DLG2: variants seen among roughly 807,000 people sequenced by gnomAD.
DLG2 encodes the protein disks large homolog 2.
Under a neutral mutation model 132.5 loss-of-function variants are expected in DLG2, and 45 were observed. The ratio of observed to expected loss-of-function variants is 0.34; its 90% CI spans 0.27 to 0.44. DLG2 has a LOEUF of 0.44. Ranked by LOEUF, DLG2 falls within the 20% of genes least tolerant of loss-of-function variation. The pLI is 1.00. For missense variants in DLG2, 1,045 were observed against 1,196.9 expected, an observed-to-expected ratio of 0.87 and a Z score of 1.87; for synonymous variants, 424 against 419.6, an observed-to-expected ratio of 1.01 and a Z score of -0.13.
intron 7 of DLG2, among the ~76,000 whole-genome samples, chr11:84,380,124 GACAA>G (rs2098744180): frequency 6.6e-6 from 1 of 151,886 alleles, no homozygotes; most frequent in South Asian, 2.1e-4. Flanking sequence ...AACATTTTTG[GACAA>G]ACAATGCACA....
At chr11:85,052,992 A>T (rs1391106860) in intron 6 of DLG2, among the ~76,000 whole-genome samples, 1 of 152,120 alleles carries the variant, frequency 6.6e-6, no homozygotes, top group Non-Finnish European at 1.5e-5. Context: ...TTTCCACTAC[A>T]TTACGCTTTT....
chr11:84,681,491 C>G (rs1289119476), intron 6 of DLG2, among the ~76,000 whole-genome samples: 1 of 152,030 alleles, frequency 6.6e-6, no homozygotes, highest in Non-Finnish European at 1.5e-5. Context: ...TGGGGGGTAC[C>G]GGTTTCAGTA....
chr11:83,536,337 C>T (rs1312417399), intron 20 of DLG2, among the ~76,000 whole-genome samples: 1 of 152,186 alleles, frequency 6.6e-6, no homozygotes, highest in African/African-American at 2.4e-5. Context: ...TCCATCTCCT[C>T]AGCACACCAG....
chr11:83,962,789 T>G, intron 14 of DLG2, 96 bp downstream of exon 14: 1 of 1,463,950 alleles, frequency 6.8e-7, no homozygotes. Flanking sequence ...CCCAGAAGCT[T>G]TAGTTAGCAT....
chr11:84,889,580 G>C (rs1334920265), intron 6 of DLG2, among the ~76,000 whole-genome samples: 1 of 152,132 alleles, frequency 6.6e-6, no homozygotes, highest in Non-Finnish European at 1.5e-5. Flanking sequence ...ATAGGGGATG[G>C]TGTGATAATG....
chr11:85,499,646 A>C (rs879040844), intron 3 of DLG2, among the ~76,000 whole-genome samples: 15 of 152,222 alleles, frequency 9.9e-5, no homozygotes, highest in Admixed American at 2.0e-4. Context: ...CAACAAAAAA[A>C]AGATAATTTT....
intron 9 of DLG2, among the ~76,000 whole-genome samples, chr11:84,129,434 C>A (rs1250432614): frequency 6.6e-6 from 1 of 152,008 alleles, no homozygotes; most frequent in Non-Finnish European, 1.5e-5. Context: ...AAATGTCCCC[C>A]AAATTTCAAT....
chr11:85,417,479 G>A (rs409192), intron 3 of DLG2, among the ~76,000 whole-genome samples: 1 of 152,118 alleles, frequency 6.6e-6, no homozygotes, highest in Non-Finnish European at 1.5e-5. Flanking sequence ...AGGGAGGAGT[G>A]TCTCTTTTTC....
chr11:83,578,527 T>C (rs545170328), intron 19 of DLG2, among the ~76,000 whole-genome samples: 5 of 152,276 alleles, frequency 3.3e-5, no homozygotes, highest in African/African-American at 9.6e-5. Context: ...AAATACACTT[T>C]AAATTCAAAG....
At chr11:84,646,496 G>T (rs2099675135) in intron 6 of DLG2, among the ~76,000 whole-genome samples, 1 of 152,026 alleles carries the variant, frequency 6.6e-6, no homozygotes, top group Non-Finnish European at 1.5e-5. Context: ...GCCAGGCAGG[G>T]GGCCAGCATA....
chr11:84,917,179 T>C (rs2154081259), intron 6 of DLG2, among the ~76,000 whole-genome samples: 1 of 152,332 alleles, frequency 6.6e-6, no homozygotes. Context: ...GGTCTGTGCC[T>C]GACCCGTAAT....
At chr11:83,756,147 T>C (rs2093635429) in intron 18 of DLG2, among the ~76,000 whole-genome samples, 1 of 151,168 alleles carries the variant, frequency 6.6e-6, no homozygotes, top group African/African-American at 2.5e-5. Context: ...AGTATTAGAA[T>C]CTTTTTGAAT....
At chr11:85,602,883 A>G (rs926224743) in intron 2 of DLG2, among the ~76,000 whole-genome samples, 4 of 152,116 alleles carry the variant, frequency 2.6e-5, no homozygotes, top group African/African-American at 9.7e-5. Flanking sequence ...TTGCTCCTTC[A>G]CTTCTTTCAT....
At chr11:85,456,714 T>C (rs2092435086) in intron 3 of DLG2, among the ~76,000 whole-genome samples, 2 of 152,226 alleles carry the variant, frequency 1.3e-5, no homozygotes, top group Non-Finnish European at 2.9e-5. Context: ...TGCCATAGTT[T>C]CCCTATTTAT....
chr11:83,584,790 T>C (rs2097053257), intron 19 of DLG2, among the ~76,000 whole-genome samples: 1 of 152,162 alleles, frequency 6.6e-6, no homozygotes, highest in Non-Finnish European at 1.5e-5. Flanking sequence ...AATGGAGGCA[T>C]AAAGCAGATT....
chr11:85,241,988 A>G (rs1206651057), intron 4 of DLG2, among the ~76,000 whole-genome samples: 1 of 151,964 alleles, frequency 6.6e-6, no homozygotes, highest in Non-Finnish European at 1.5e-5. Context: ...CATCCTGAAA[A>G]GAGGATTCCA....
chr11:85,506,926 G>T (rs964921333), intron 3 of DLG2, among the ~76,000 whole-genome samples: 2 of 152,188 alleles, frequency 1.3e-5, no homozygotes, highest in African/African-American at 4.8e-5. Flanking sequence ...ATATATTTAG[G>T]ATAGTTAGTT....
At chr11:84,628,858 TTGG>T (rs1309575703) in intron 6 of DLG2, among the ~76,000 whole-genome samples, 8 of 152,170 alleles carry the variant, frequency 5.3e-5, no homozygotes, top group Non-Finnish European at 2.9e-5. Context: ...CAATGAATAG[TTGG>T]TGATCAATAA....
At chr11:85,467,280 T>G (rs1254478173) in intron 3 of DLG2, among the ~76,000 whole-genome samples, 2 of 152,200 alleles carry the variant, frequency 1.3e-5, no homozygotes, top group Non-Finnish European at 2.9e-5. Flanking sequence ...CTTCCTCTTT[T>G]CCTAATTGAA....
Sources: gnomAD v4.1 joint callset for allele counts (sites outside exome capture counted in the v4.1 genomes callset) on GRCh38, gnomAD v4.1.1 for gene constraint, MANE v1.5 for transcripts, NCBI Gene and HGNC (gene_info 2026-07-23, HGNC 2026-07-21) for gene names.